Variants in SNX29 observed in about 807,000 individuals in gnomAD.
The protein encoded by SNX29 is sorting nexin-29.
In SNX29, 78 loss-of-function variants were observed where a neutral mutation model predicts 102.1. The observed-to-expected ratio is 0.76, with a 90% CI of 0.64 to 0.92. The LOEUF (loss-of-function observed/expected upper bound fraction) is 0.92. SNX29 is among the 40% of genes least tolerant of loss of function. The pLI is 0.00. For missense variants in SNX29, 1,280 were observed against 1,061.7 expected (o/e 1.21, Z -2.86); for synonymous variants, 580 against 414.5 (o/e 1.40, Z -4.85).
intron 7 of SNX29, among the ~76,000 whole-genome samples, chr16:12,050,062 C>T (rs1407851604): frequency 6.6e-6 from 1 of 152,198 alleles, no homozygotes; most frequent in Non-Finnish European, 1.5e-5. Context: ...GTCTGTCTTG[C>T]CCTGTGCTTC....
intron 14 of SNX29, among the ~76,000 whole-genome samples, chr16:12,268,317 G>A (rs1379826994): frequency 6.6e-6 from 1 of 152,166 alleles, no homozygotes; most frequent in Non-Finnish European, 1.5e-5. Context: ...TACCTGGCAG[G>A]TAATGAACCT....
chr16:12,003,034 C>A lies in SNX29; in HGVS notation c.113C>A (p.Ser38Tyr), dbSNP rs756051205. Residue 38 changes from serine to tyrosine, a missense_variant, in exon 3 of 21, where the codon TCC becomes TAC. Physicochemically the swap from Ser to Tyr is moderately radical, Grantham distance 144 (BLOSUM62 -2). Coordinates refer to ENST00000566228, the MANE Select transcript of SNX29 (RefSeq NM_032167.5). ...FGGRKEIASD[S>Y]DSRVTCLCAQ... ...GGGAGAAAGGAGATTGCCTCGGATT[C>A]CGACAGCAGGTAAATATGTCACTTC... 26 of 1,614,056 alleles carry A rather than the reference C, an allele frequency of 1.6e-5. No homozygotes were observed. The South Asian group carries it at 2.6e-4, about 16-fold the overall frequency.
At chr16:12,125,436 C>T (rs971781378) in intron 11 of SNX29, among the ~76,000 whole-genome samples, 1 of 151,756 alleles carries the variant, frequency 6.6e-6, no homozygotes, top group Non-Finnish European at 1.5e-5. Context: ...ACAGGTGCCT[C>T]GTCCAAGAGG....
intron 14 of SNX29, among the ~76,000 whole-genome samples, chr16:12,233,251 T>C (rs1047392082): frequency 1.3e-5 from 2 of 152,232 alleles, no homozygotes; most frequent in East Asian, 3.8e-4. Context: ...TGGGATACTA[T>C]ACAGCCTTAA....
At chr16:12,378,082 C>A (rs2082942408) in intron 16 of SNX29, among the ~76,000 whole-genome samples, 1 of 152,152 alleles carries the variant, frequency 6.6e-6, no homozygotes, top group Non-Finnish European at 1.5e-5. Flanking sequence ...ATATTAGATA[C>A]TAAGAAAGTC....
At position 11,976,794 on chromosome 16, in the gene SNX29, G is replaced by C. The variant is rs940052008; in HGVS notation, c.-13G>C. On this transcript the variant is annotated 5_prime_UTR_variant, in exon 1 of 21. Transcript: ENST00000566228. ...GGCGGCGCGGCGCAGGCACCGGCCC[G>C]GGGAGAGGCACCATGAGCGGTGAGT... 4 of 1,375,520 alleles carry C rather than the reference G, an allele frequency of 2.9e-6. No homozygotes were observed. Among genetic ancestry groups the C allele is most frequent in the Non-Finnish European group, 3.8e-6 (4 of 1,063,478 alleles). The allele number at this position is 1,375,520 out of a possible 1,614,324, so 85.2% of individuals were successfully genotyped here. A position where few individuals can be genotyped will look rare whatever the true frequency, so the allele number is the denominator to read the frequency against.
In SNX29 at chr16:12,571,682, C is replaced by G; in HGVS notation, c.*3053C>G. 7 of 1,059,664 alleles carry G rather than the reference C, an allele frequency of 6.6e-6. No homozygotes were observed. The highest frequency in any genetic ancestry group is 8.4e-4 in the Middle Eastern group (2 of 2,374). The allele number at this position is 1,059,664 out of a possible 1,614,324, so 65.6% of individuals were successfully genotyped here. A position where few individuals can be genotyped will look rare whatever the true frequency, so the allele number is the denominator to read the frequency against. ...ACGGTAGGGCTGGGCAGAGGTGTCT[C>G]TCCTTGAGAGACAACAAAAGCTTCT... On this transcript the variant is annotated 3_prime_UTR_variant, in exon 21 of 21. Transcript: ENST00000566228.
chr16:12,137,374 C>T (rs1002029132), intron 13 of SNX29, among the ~76,000 whole-genome samples: 2 of 152,232 alleles, frequency 1.3e-5, no homozygotes, highest in East Asian at 1.9e-4. Flanking sequence ...GAGCCCTTGG[C>T]CCCTGGCCTT....
chr16:12,164,471 C>T (rs998653571), intron 13 of SNX29, among the ~76,000 whole-genome samples: 2 of 152,082 alleles, frequency 1.3e-5, no homozygotes, highest in Non-Finnish European at 2.9e-5. Context: ...ATTTTTGCCC[C>T]TGGCCTAGCA....
rs537639821 is a variant in SNX29 at position 12,109,797 on chromosome 16, C to G, written c.1403-16836C>G. On this transcript the variant is annotated intron_variant, in intron 11 of 20. Coordinates refer to ENST00000566228, the MANE Select transcript of SNX29 (RefSeq NM_032167.5). ...CCAGGCTGGAGTGCAGTGGCGCAAT[C>G]TTGGCTCACTGCAACCTCCGCCTCA... Among the ~76,000 whole-genome samples, 68 of 152,118 alleles carry G rather than the reference C, an allele frequency of 4.5e-4. 1 individual carries two copies. Among genetic ancestry groups the G allele is most frequent in the African/African-American group, 1.5e-3 (62 of 41,506 alleles).
At chr16:12,425,021 T>G (rs2085006737) in intron 18 of SNX29, among the ~76,000 whole-genome samples, 1 of 152,250 alleles carries the variant, frequency 6.6e-6, no homozygotes, top group African/African-American at 2.4e-5. Context: ...GATGTGTAAC[T>G]ACAGGCAACA....
At chr16:12,532,043 C>T (rs534337786) in intron 20 of SNX29, among the ~76,000 whole-genome samples, 1 of 152,288 alleles carries the variant, frequency 6.6e-6, no homozygotes, top group African/African-American at 2.4e-5. Context: ...CCACATGGAG[C>T]TGCAGGTCTG....
At chr16:12,545,630 C>G (rs1192239631) in intron 20 of SNX29, 1 of 152,162 alleles carries the variant, frequency 6.6e-6, no homozygotes, top group Non-Finnish European at 1.5e-5. Context: ...TGGCTCTTTT[C>G]TTCTGTTCTG....
intron 20 of SNX29, 34 bp downstream of exon 20, chr16:12,524,875 C>G: frequency 8.1e-6 from 13 of 1,598,140 alleles, no homozygotes; most frequent in African/African-American, 1.3e-5. Flanking sequence ...GGGCCGCCAG[C>G]CCTGCCAGCA....
At chr16:12,157,048 C>T (rs941005387) in intron 13 of SNX29, among the ~76,000 whole-genome samples, 19 of 152,102 alleles carry the variant, frequency 1.2e-4, no homozygotes, top group African/African-American at 3.1e-4. Flanking sequence ...GTGAGGGAGC[C>T]GGAGGGTGAG....
chr16:12,544,687 C>A (rs76102866), intron 20 of SNX29, among the ~76,000 whole-genome samples: 4,280 of 152,268 alleles, frequency 0.028, 220 homozygotes, highest in African/African-American at 0.098. Flanking sequence ...CGCTGTCACT[C>A]GAATTCTCTT....
chr16:12,559,429 G>A (rs2078583693), intron 20 of SNX29, among the ~76,000 whole-genome samples: 1 of 151,406 alleles, frequency 6.6e-6, no homozygotes, highest in African/African-American at 2.4e-5. Flanking sequence ...AGGAAAACAA[G>A]CTCAGGGCTC....
chr16:12,062,714 A>C (rs1346125422), intron 9 of SNX29, among the ~76,000 whole-genome samples: 1 of 152,166 alleles, frequency 6.6e-6, no homozygotes, highest in Non-Finnish European at 1.5e-5. Context: ...CAGATTTAGG[A>C]AATTATGACT....
chr16:12,362,769 G>A (rs2082345844), intron 16 of SNX29, among the ~76,000 whole-genome samples: 1 of 152,064 alleles, frequency 6.6e-6, no homozygotes, highest in African/African-American at 2.4e-5. Flanking sequence ...CTATGATGCT[G>A]ACATGTGTCT....
Sources: gnomAD v4.1 joint callset for allele counts (sites outside exome capture counted in the v4.1 genomes callset) on GRCh38, gnomAD v4.1.1 for gene constraint, MANE v1.5 for transcripts, NCBI Gene and HGNC (gene_info 2026-07-23, HGNC 2026-07-21) for gene names.